The following FRMD4A variants were observed in gnomAD, a reference collection of about 807,000 sequenced individuals.
FRMD4A encodes the protein FERM domain-containing protein 4A.
FRMD4A carries 29 observed loss-of-function variants against 129.1 expected under a neutral mutation model. The ratio of observed to expected loss-of-function variants is 0.22; its 90% CI spans 0.17 to 0.31. The LOEUF (loss-of-function observed/expected upper bound fraction) is 0.31, where lower values mean the gene tolerates loss of function less well. FRMD4A is among the 10% of genes least tolerant of loss of function. The pLI is 1.00. For synonymous variants in FRMD4A, 634 were observed against 571.6 expected, an observed-to-expected ratio of 1.11 and a Z score of -1.56; for missense variants, 1,272 against 1,375.8, an observed-to-expected ratio of 0.92 and a Z score of 1.19.
At chr10:13,794,587 A>C (rs900206409) in intron 5 of FRMD4A, among the ~76,000 whole-genome samples, 4 of 152,050 alleles carry the variant, frequency 2.6e-5, no homozygotes, top group African/African-American at 4.8e-5. Context: ...GCTCTGCAGG[A>C]AACAAGTGGA....
chr10:13,972,309 A>T (rs2095523208), intron 2 of FRMD4A: 1 of 986,850 alleles, frequency 1.0e-6, no homozygotes. Context: ...CAACTTGGAG[A>T]ACCCATGAGT....
chr10:13,965,053 T>C (rs1469341982), intron 2 of FRMD4A, among the ~76,000 whole-genome samples: 1 of 146,846 alleles, frequency 6.8e-6, no homozygotes, highest in Non-Finnish European at 1.5e-5. Context: ...AACATTGGAA[T>C]GACCACTGGG....
At chr10:13,850,876 C>T (rs1444606093) in intron 3 of FRMD4A, among the ~76,000 whole-genome samples, 2 of 152,216 alleles carry the variant, frequency 1.3e-5, no homozygotes, top group South Asian at 2.1e-4. Context: ...CTACTTTACA[C>T]AGTTACTGTG....
At chr10:13,884,469 TC>T in intron 2 of FRMD4A, among the ~76,000 whole-genome samples, 1 of 152,330 alleles carries the variant, frequency 6.6e-6, no homozygotes, top group East Asian at 1.9e-4. Flanking sequence ...TCTTGGTAAT[TC>T]TTACATCTTT....
chr10:14,154,831 C>T (rs1477345263), intron 2 of FRMD4A, among the ~76,000 whole-genome samples: 1 of 152,140 alleles, frequency 6.6e-6, no homozygotes, highest in Non-Finnish European at 1.5e-5. Flanking sequence ...AGCGAGAGGC[C>T]CTTAGCTTAC....
At chr10:14,014,010 G>A (rs763919626) in intron 2 of FRMD4A, among the ~76,000 whole-genome samples, 2 of 152,198 alleles carry the variant, frequency 1.3e-5, no homozygotes, top group Non-Finnish European at 2.9e-5. Flanking sequence ...TCCCTGCTAG[G>A]CCCTGGCCTC....
At chr10:13,920,153 G>T (rs1170427163) in intron 2 of FRMD4A, among the ~76,000 whole-genome samples, 1 of 152,096 alleles carries the variant, frequency 6.6e-6, no homozygotes, top group Non-Finnish European at 1.5e-5. Context: ...AGAGTCATCA[G>T]GTATAAAACA....
At chr10:13,647,309 G>A (rs1385203361) in intron 24 of FRMD4A, 1 of 152,210 alleles carries the variant, frequency 6.6e-6, no homozygotes, top group Non-Finnish European at 1.5e-5. Context: ...TCTTCAGCGT[G>A]GCTGCATCCG....
intron 2 of FRMD4A, among the ~76,000 whole-genome samples, chr10:14,073,264 C>G (rs370905386): frequency 6.6e-6 from 1 of 151,628 alleles, no homozygotes; most frequent in Non-Finnish European, 1.5e-5. Context: ...GGAGTGAGGG[C>G]GAGTTGGATG....
chr10:13,843,707 AG>A (rs1378954769), intron 3 of FRMD4A, among the ~76,000 whole-genome samples: 1 of 152,184 alleles, frequency 6.6e-6, no homozygotes, highest in African/African-American at 2.4e-5. Flanking sequence ...CATGTTGGCC[AG>A]GCTGGTCTCG....
At chr10:13,762,894 T>A (rs2092129787) in intron 6 of FRMD4A, among the ~76,000 whole-genome samples, 2 of 152,204 alleles carry the variant, frequency 1.3e-5, no homozygotes, top group Admixed American at 1.3e-4. Flanking sequence ...TTTTGGAGGC[T>A]GAGGTGGGAG....
At chr10:14,288,652 G>A (rs868121673) in intron 2 of FRMD4A, among the ~76,000 whole-genome samples, 1 of 152,124 alleles carries the variant, frequency 6.6e-6, no homozygotes, top group Non-Finnish European at 1.5e-5. Context: ...AAATTTTTAA[G>A]TGCACAATAT....
intron 2 of FRMD4A, among the ~76,000 whole-genome samples, chr10:13,929,695 AGGC>A (rs2095172303): frequency 6.6e-6 from 1 of 152,216 alleles, no homozygotes; most frequent in South Asian, 2.1e-4. Context: ...ATATTAACTT[AGGC>A]AAAATATTTA....
chr10:13,825,592 A>G (rs2130920385), intron 3 of FRMD4A, among the ~76,000 whole-genome samples: 1 of 152,278 alleles, frequency 6.6e-6, no homozygotes. Context: ...GTCCATGGAA[A>G]AACTGTCTTC....
rs143569547 is a variant in FRMD4A, at chr10:14,146,040, C to T, written c.45+184018G>A. Among the ~76,000 whole-genome samples, 70 of 152,320 alleles carry T rather than the reference C, an allele frequency of 4.6e-4. 2 individuals are homozygous for T. Among genetic ancestry groups the T allele is most frequent in the East Asian group, 3.7e-3 (19 of 5,184 alleles). On this transcript the variant is annotated intron_variant, in intron 2 of 24. Transcript: ENST00000357447. ...TTGCAAACGGCTTAGTGGTTAAAAG[C>T]TCTGCCCTTCGCTGGCTGTGTGACC...
intron 2 of FRMD4A, among the ~76,000 whole-genome samples, chr10:13,951,200 AT>A (rs2095368085): frequency 6.6e-6 from 1 of 152,078 alleles, no homozygotes; most frequent in Admixed American, 6.6e-5. Flanking sequence ...GCCATTGGTG[AT>A]CCTTCGGGGA....
At chr10:14,106,014 A>G (rs1178388717) in intron 2 of FRMD4A, among the ~76,000 whole-genome samples, 1 of 152,170 alleles carries the variant, frequency 6.6e-6, no homozygotes, top group Non-Finnish European at 1.5e-5. Context: ...TTAATTCTTT[A>G]GGGATTGCAA....
chr10:14,217,462 C>G (rs1843110215), intron 2 of FRMD4A, among the ~76,000 whole-genome samples: 1 of 152,210 alleles, frequency 6.6e-6, no homozygotes, highest in African/African-American at 2.4e-5. Context: ...GGGTTCCACT[C>G]TCTCTTGTCT....
chr10:13,975,407 C>G (rs1283343241), intron 2 of FRMD4A, among the ~76,000 whole-genome samples: 1 of 151,226 alleles, frequency 6.6e-6, no homozygotes, highest in Non-Finnish European at 1.5e-5. Flanking sequence ...GTGTGTGTGT[C>G]TGTGCATATG....
Sources: allele counts gnomAD v4.1 joint callset (sites outside exome capture counted in the v4.1 genomes callset), GRCh38; gene constraint gnomAD v4.1.1; transcripts MANE v1.5; gene names NCBI Gene and HGNC (gene_info 2026-07-23, HGNC 2026-07-21).